The following SLC5A10 variants were observed in gnomAD, a reference collection of about 807,000 sequenced individuals.
The protein encoded by SLC5A10 is solute carrier family 5 member 10, also known as sodium/mannose cotransporter SLC5A10.
SLC5A10 carries 55 observed loss-of-function variants against 68.9 expected under a neutral mutation model. That is an observed-to-expected ratio of 0.80 (90% CI 0.64 to 1.00). SLC5A10 has a LOEUF of 1.00. Among genes scored for constraint, SLC5A10 ranks in the 50% least tolerant of loss-of-function variants. The probability of loss-of-function intolerance (pLI) is 0.00; values close to 1 mark genes in which losing one functional copy is unlikely to be tolerated. For synonymous variants in SLC5A10, 344 were observed against 344.8 expected (o/e 1.00, Z 0.02); for missense variants, 732 against 819.3 (o/e 0.89, Z 1.30).
Position 19,017,447 on chromosome 17 carries a change from G to A in SLC5A10, c.1242-1976G>A. 6.6e-7 allele frequency: 1 copy of A among 1,508,654 alleles called. No individual in the cohort carries two copies. The highest frequency in any genetic ancestry group is 9.0e-7 in the Non-Finnish European group (1 of 1,108,182). 93.5% of individuals were successfully genotyped at this position (1,508,654 alleles called of 1,614,324 possible). On this transcript the variant is annotated intron_variant, in intron 11 of 14. Coordinates refer to ENST00000395645, the MANE Select transcript of SLC5A10 (RefSeq NM_001042450.4). The surrounding 1 kb of genome is among the most constrained non-coding windows in gnomAD (Gnocchi z 5.6). ...CTGTCAGGGAGAGGCGAGGCTTACAGAGAGAAGACCAACAGCCCAGAGGCC... is the reference window on the plus strand; with the variant it reads ...CTGTCAGGGAGAGGCGAGGCTTACAAAGAGAAGACCAACAGCCCAGAGGCC...
rs1567814654 is a variant in SLC5A10, at chr17:19,015,217, A to ACGGGGGTGGGGGCCG, written c.1241+18_1241+19insCGGGGGTGGGGGCCG. 6.3e-5 allele frequency: 30 copies of ACGGGGGTGGGGGCCG among 478,868 alleles called. 7 individuals are homozygous for ACGGGGGTGGGGGCCG. Among genetic ancestry groups the ACGGGGGTGGGGGCCG allele is most frequent in the Admixed American group, 2.2e-4 (4 of 18,036 alleles). The allele number at this position is 478,868 out of a possible 1,614,324, so 29.7% of individuals were successfully genotyped here. A position where few individuals can be genotyped will look rare whatever the true frequency, so the allele number is the denominator to read the frequency against. ...GTGGGACGGTACGGGGGTGGGGGCC[A>ACGGGGGTGGGGGCCG]GTACGGGGGTGGGGGAACACTACAA... On this transcript the variant is annotated intron_variant, in intron 11 of 14. Coordinates refer to ENST00000395645, the MANE Select transcript of SLC5A10 (RefSeq NM_001042450.4).
At chr17:18,969,715 G>A (rs941221435) in intron 7 of SLC5A10, 21 of 371,624 alleles carry the variant, frequency 5.7e-5, no homozygotes, top group Non-Finnish European at 7.7e-5. Context: ...TTGGCTCAGC[G>A]CTTGATGGTG....
intron 5 of SLC5A10, among the ~76,000 whole-genome samples, chr17:18,965,510 C>T (rs974782468): frequency 2.6e-5 from 4 of 152,230 alleles, no homozygotes; most frequent in East Asian, 3.8e-4. Context: ...GTACCAGGGC[C>T]GGTTCCCAGC....
In SLC5A10 at chr17:18,973,436, CTGTAG is replaced by C. The variant is rs2042904373; in HGVS notation, c.846+2219_846+2223del. On this transcript the variant is annotated intron_variant, in intron 8 of 14. Coordinates refer to ENST00000395645, the MANE Select transcript of SLC5A10 (RefSeq NM_001042450.4). ...TTCAGGACACCAACCAGCATTGGAG[CTGTAG>C]CCTGGCCTCTGCCCTACCTCCCCAT... Among the ~76,000 whole-genome samples the C allele has an allele frequency of 2.0e-5, 3 of 152,364 alleles. No homozygotes were observed. In the South Asian group the frequency reaches 6.2e-4, roughly 32 times the overall value.
At chr17:18,960,741 T>C (rs569812651) in intron 5 of SLC5A10, 89 bp downstream of exon 5, 1 of 1,265,148 alleles carries the variant, frequency 7.9e-7, no homozygotes, top group East Asian at 2.3e-5. Flanking sequence ...TTCTCATTCA[T>C]CTCTGCCTTG....
chr17:18,979,661 G>T lies in SLC5A10; in HGVS notation c.982+2672G>T, dbSNP rs762633328. 5.6e-6 allele frequency: 9 copies of T among 1,613,202 alleles called. No individual in the cohort carries two copies. The Admixed American group carries it at 8.3e-5, about 15-fold the overall frequency. ...AAGAACTCAGTTCCCCCGCTGCTCC[G>T]CACTCTGAGATTCTGTTTTGGGAAC... On this transcript the variant is annotated intron_variant, in intron 9 of 14. Transcript: ENST00000395645.
At chr17:18,977,479 T>A (rs951039808) in intron 9 of SLC5A10, 60 of 1,139,130 alleles carry the variant, frequency 5.3e-5, no homozygotes, top group Non-Finnish European at 4.5e-5. Flanking sequence ...GGAATTGAAG[T>A]CATCAGAGTC....
chr17:19,015,167 C>T lies in SLC5A10; in HGVS notation c.1209C>T (p.Arg403=). 1.3e-6 allele frequency: 2 copies of T among 1,552,882 alleles called. No individual in the cohort carries two copies. The highest frequency in any genetic ancestry group is 1.8e-6 in the Non-Finnish European group (2 of 1,135,050). ...TMDIWRRLRP[R]SGERELLLVG... ...ACATCTGGAGGCGGCTGCGTCCCCG[C>T]TCCGGCGAGCGGGAGCTCCTGCTGG... Residue 403 remains arginine (R), a synonymous_variant, in exon 11 of 15, where the codon CGC becomes CGT. Transcript: ENST00000395645.
At chr17:18,981,530 G>A (rs560594725) in intron 9 of SLC5A10, among the ~76,000 whole-genome samples, 4 of 152,130 alleles carry the variant, frequency 2.6e-5, no homozygotes, top group African/African-American at 4.8e-5. Context: ...TGGGAGAGGA[G>A]GGGAGCCTGA....
In SLC5A10 at chr17:19,003,600, T is replaced by C. The variant is rs763021639; in HGVS notation, c.983-9810T>C. The C allele has an allele frequency of 6.8e-6, 11 of 1,610,546 alleles. No homozygotes were observed. In the African/African-American group the frequency reaches 1.3e-4, roughly 20 times the overall value. The stretch of plus-strand genomic sequence containing the variant: ...TCTATGGGGGGCTGCATGTAGACGC[T>C]AGCCCGGGTCACGCCGCGGTAGGCG... On this transcript the variant is annotated intron_variant, in intron 9 of 14. Coordinates refer to ENST00000395645, the MANE Select transcript of SLC5A10 (RefSeq NM_001042450.4). The surrounding 1 kb of genome is among the most constrained non-coding windows in gnomAD (Gnocchi z 4.5).
chr17:18,976,895 T>C lies in SLC5A10; in HGVS notation c.888T>C (p.His296=), dbSNP rs947695051. 7.4e-6 allele frequency: 12 copies of C among 1,613,616 alleles called. No individual in the cohort carries two copies. The highest frequency in any genetic ancestry group is 1.7e-5 in the Admixed American group (1 of 60,016). The change falls in exon 9 of 15, where the codon CAT becomes CAC. Residue 296 remains histidine, a synonymous_variant. Coordinates refer to ENST00000395645, the MANE Select transcript of SLC5A10 (RefSeq NM_001042450.4). ...CACTGTCAGCCCGGGACCTGAACCATGCCAAGGCGGGCTCCATCCTGGCCA... is the reference window on the plus strand; with the variant it reads ...CACTGTCAGCCCGGGACCTGAACCACGCCAAGGCGGGCTCCATCCTGGCCA... ...QRSLSARDLN[H]AKAGSILASY...
intron 9 of SLC5A10, chr17:18,977,935 A>G: frequency 1.2e-6 from 2 of 1,607,470 alleles, no homozygotes; most frequent in Admixed American, 1.7e-5. Context: ...CTTCCACCCC[A>G]TCCAGCCCAT....
At chr17:18,991,414 G>A (rs948530116) in intron 9 of SLC5A10, among the ~76,000 whole-genome samples, 2 of 152,218 alleles carry the variant, frequency 1.3e-5, no homozygotes, top group African/African-American at 4.8e-5. Context: ...CATTGTCAGA[G>A]CTGGCCCAAG....
In SLC5A10 at chr17:18,970,696, C is replaced by A. The variant is rs116025238; in HGVS notation, c.641-317C>A. The stretch of plus-strand genomic sequence containing the variant: ...GACAATCGGAAACCTGGCTGAGAAC[C>A]ACTTGCCCAAGGCCGATGAGTGTCC... On this transcript the variant is annotated intron_variant, in intron 7 of 14. Coordinates refer to ENST00000395645, the MANE Select transcript of SLC5A10 (RefSeq NM_001042450.4). The A allele has an allele frequency of 3.3e-3, 1,252 of 373,822 alleles. 12 individuals are homozygous for A. The highest frequency in any genetic ancestry group is 0.023 in the African/African-American group (1,149 of 49,368). 23.2% of individuals were successfully genotyped at this position (373,822 alleles called of 1,614,324 possible). A position where few individuals can be genotyped will look rare whatever the true frequency, so the allele number is the denominator to read the frequency against.
chr17:18,974,375 A>T (rs553116435), intron 8 of SLC5A10, among the ~76,000 whole-genome samples: 1 of 152,340 alleles, frequency 6.6e-6, no homozygotes, highest in Admixed American at 6.5e-5. Flanking sequence ...AAACAAAACC[A>T]GTAACAAAGA....
At chr17:18,985,986 G>A (rs1489697405) in intron 9 of SLC5A10, among the ~76,000 whole-genome samples, 1 of 152,210 alleles carries the variant, frequency 6.6e-6, no homozygotes, top group Non-Finnish European at 1.5e-5. Flanking sequence ...TACAACCACC[G>A]TCTCCTTTAA....
chr17:18,952,811 G>T (rs549269154), intron 1 of SLC5A10, among the ~76,000 whole-genome samples: 1 of 152,168 alleles, frequency 6.6e-6, no homozygotes, highest in Admixed American at 6.5e-5. Context: ...TCATAAGCCG[G>T]TTCTTTCTCC....
chr17:18,988,379 C>A, intron 9 of SLC5A10: 1 of 1,614,192 alleles, frequency 6.2e-7, no homozygotes, highest in Non-Finnish European at 8.5e-7. Context: ...TGAAGATGTC[C>A]ACGTCGGTGA....
intron 2 of SLC5A10, 46 bp from the exon 3 acceptor site, chr17:18,959,089 G>C: frequency 1.3e-6 from 2 of 1,571,010 alleles, no homozygotes; most frequent in Non-Finnish European, 1.7e-6. Flanking sequence ...GGATGGGGCC[G>C]GCGCAGGGAG....
Sources: gnomAD v4.1 joint callset for allele counts (sites outside exome capture counted in the v4.1 genomes callset) on GRCh38, gnomAD v4.1.1 for gene constraint, Gnocchi (gnomAD v3.1) non-coding constraint, MANE v1.5 for transcripts, NCBI Gene and HGNC (gene_info 2026-07-23, HGNC 2026-07-21) for gene names.